The following ZCCHC14 variants were observed in gnomAD, a reference collection of about 807,000 sequenced individuals.
The protein encoded by ZCCHC14 is zinc finger CCHC-type containing 14, also known as zinc finger CCHC domain-containing protein 14.
Under a neutral mutation model 85.0 loss-of-function variants are expected in ZCCHC14, and 16 were observed. The ratio of observed to expected loss-of-function variants is 0.19; its 90% confidence interval spans 0.13 to 0.29. The LOEUF (loss-of-function observed/expected upper bound fraction) is 0.29, where lower values mean the gene tolerates loss of function less well. Ranked by LOEUF, ZCCHC14 falls within the 10% of genes least tolerant of loss-of-function variation. The pLI is 1.00. For missense variants in ZCCHC14, 1,303 were observed against 1,443.5 expected, an observed-to-expected ratio of 0.90 and a Z score of 1.58; for synonymous variants, 775 against 630.7, an observed-to-expected ratio of 1.23 and a Z score of -3.43.
At position 87,492,710 on chromosome 16, in the gene ZCCHC14, G is replaced by GGGGGGCGGC. The variant is rs1912829518; in HGVS notation, c.-473_-472insGCCGCCCCC. On this transcript the variant is annotated 5_prime_UTR_variant, in exon 1 of 13. Transcript: ENST00000671377. This position sits in a 1 kb window ranked among gnomAD's most constrained non-coding sequence, Gnocchi z 6.7. The stretch of plus-strand genomic sequence containing the variant: ...ACGGAGCCGCCCCGGCCATGCCGTC[G>GGGGGGCGGC]CCGCCGCCCGCGCCTCCGCCCAGGC... 6.8e-6 allele frequency: 1 copy of GGGGGGCGGC among 146,108 alleles called. No individual in the cohort carries two copies. The highest frequency in any genetic ancestry group is 2.5e-5 in the African/African-American group (1 of 40,720). 9.1% of individuals were successfully genotyped at this position (146,108 alleles called of 1,614,324 possible).
At chr16:87,466,826 T>C (rs1911542425) in intron 1 of ZCCHC14, among the ~76,000 whole-genome samples, 1 of 152,160 alleles carries the variant, frequency 6.6e-6, no homozygotes, top group Non-Finnish European at 1.5e-5. Context: ...AAAGTGAAGT[T>C]GTGATGGCTT....
intron 1 of ZCCHC14, among the ~76,000 whole-genome samples, chr16:87,475,552 TAAA>T (rs35771945): frequency 3.3e-5 from 3 of 91,460 alleles, no homozygotes; most frequent in Non-Finnish European, 6.3e-5. Flanking sequence ...GACTCTGTCT[TAAA>T]AAAAAAAAAA....
chr16:87,484,113 T>G (rs1912408553), intron 1 of ZCCHC14, among the ~76,000 whole-genome samples: 1 of 152,190 alleles, frequency 6.6e-6, no homozygotes, highest in Non-Finnish European at 1.5e-5. Flanking sequence ...CTCTGGAAGG[T>G]TCTACGAGGA....
At chr16:87,460,205 A>G (rs1911191610) in intron 1 of ZCCHC14, 74 bp from the exon 2 acceptor site, 1 of 1,541,002 alleles carries the variant, frequency 6.5e-7, no homozygotes, top group Non-Finnish European at 8.8e-7. Flanking sequence ...TTGTTAATTA[A>G]GTCTTTCATA....
intron 1 of ZCCHC14, among the ~76,000 whole-genome samples, chr16:87,463,307 A>G (rs1183918729): frequency 1.3e-5 from 2 of 151,534 alleles, no homozygotes; most frequent in African/African-American, 4.9e-5. Flanking sequence ...GCTTGAGCCC[A>G]GGAGTTTGAA....
intron 2 of ZCCHC14, among the ~76,000 whole-genome samples, chr16:87,447,292 A>C (rs142849316): frequency 1.3e-5 from 2 of 152,202 alleles, no homozygotes; most frequent in East Asian, 3.9e-4. Flanking sequence ...TGAAACGGCA[A>C]GGGGGTCAGG....
At position 87,451,912 on chromosome 16, in the gene ZCCHC14, C is replaced by A. The variant is rs142977083; in HGVS notation, c.694+8096G>T. Among the ~76,000 whole-genome samples the A allele has an allele frequency of 4.6e-5, 7 of 152,382 alleles. No individual in the cohort carries two copies. The East Asian group carries it at 1.2e-3, about 25-fold the overall frequency. ...AATGTGATACTTTCTAGCTCACGAG[C>A]CTGGGCAGTTATTTCACCCCTCAAA... On this transcript the variant is annotated intron_variant, in intron 2 of 12. Transcript: ENST00000671377.
At chr16:87,442,073 C>T (rs1910211422) in intron 2 of ZCCHC14, among the ~76,000 whole-genome samples, 1 of 152,202 alleles carries the variant, frequency 6.6e-6, no homozygotes, top group South Asian at 2.1e-4. Flanking sequence ...ACTGGAAGTA[C>T]AGAAGGATAG....
chr16:87,449,390 G>C (rs1377906611), intron 2 of ZCCHC14, among the ~76,000 whole-genome samples: 3 of 152,136 alleles, frequency 2.0e-5, no homozygotes, highest in Admixed American at 1.3e-4. Flanking sequence ...ACAGCACAGG[G>C]GGAAGGGCAC....
rs372878164 is a variant in ZCCHC14, at chr16:87,454,982, T to C, written c.694+5026A>G. Reference sequence around the variant, plus strand: ...GCCACCATCAGCCACCAATGCAACATCAGCGGGCTTTAAAAAATCCTGGAG... The same window carrying C: ...GCCACCATCAGCCACCAATGCAACACCAGCGGGCTTTAAAAAATCCTGGAG... On this transcript the variant is annotated intron_variant, in intron 2 of 12. Coordinates refer to ENST00000671377, the MANE Select transcript of ZCCHC14 (RefSeq NM_015144.3). Among the ~76,000 whole-genome samples the C allele has an allele frequency of 6.6e-5, 10 of 152,242 alleles. No homozygotes were observed. The East Asian group carries it at 1.9e-3, about 29-fold the overall frequency.
At chr16:87,418,939 AC>A in intron 6 of ZCCHC14, 38 bp from the exon 7 acceptor site, 1 of 1,533,150 alleles carries the variant, frequency 6.5e-7, no homozygotes, top group Non-Finnish European at 8.9e-7. Context: ...AAATTTACAG[AC>A]AATGAAAATA....
At chr16:87,485,964 G>A (rs2334188) in intron 1 of ZCCHC14, among the ~76,000 whole-genome samples, 1 of 152,110 alleles carries the variant, frequency 6.6e-6, no homozygotes, top group Non-Finnish European at 1.5e-5. Flanking sequence ...TGATACCATC[G>A]TATTACTCAT....
chr16:87,431,134 T>C (rs940745910), intron 3 of ZCCHC14, among the ~76,000 whole-genome samples: 3 of 140,544 alleles, frequency 2.1e-5, no homozygotes, highest in African/African-American at 5.4e-5. Context: ...CAAGACAGTG[T>C]CAAAAAAAAG....
Position 87,445,257 on chromosome 16 carries a change from G to A in ZCCHC14, c.695-12056C>T, listed in dbSNP as rs543691083. 2.1e-4 allele frequency among the ~76,000 whole-genome samples: 32 copies of A among 152,028 alleles called. No homozygotes were observed. The East Asian group carries it at 5.6e-3, about 27-fold the overall frequency. ...AATTTTTGTATTTTTAGTAGAAACGGGGTTTCACCATGTTGACCAGGATGG... is the reference window on the plus strand; with the variant it reads ...AATTTTTGTATTTTTAGTAGAAACGAGGTTTCACCATGTTGACCAGGATGG... On this transcript the variant is annotated intron_variant, in intron 2 of 12. Transcript: ENST00000671377.
In ZCCHC14 at chr16:87,411,768, G is replaced by A. The variant is rs559088004; in HGVS notation, c.2953C>T (p.Pro985Ser). ...CTGCTGTAAGGGGCGTGCACGACGGGGAAGGTGGAGCCGCCGCCGTACTGC... is the reference window on the plus strand; with the variant it reads ...CTGCTGTAAGGGGCGTGCACGACGGAGAAGGTGGAGCCGCCGCCGTACTGC... ...AQQYGGGSTF[P>S]VVHAPYSSSG... is the part of the protein sequence containing the mutation. The change falls in exon 12 of 13, where the codon CCC (proline) becomes TCC (serine). Residue 985 changes from proline (P) to serine (S), a missense_variant. By Grantham distance (74) the Pro-to-Ser change is moderately conservative (BLOSUM62 -1). Coordinates refer to ENST00000671377, the MANE Select transcript of ZCCHC14 (RefSeq NM_015144.3). 2.7e-5 allele frequency: 44 copies of A among 1,611,914 alleles called. No homozygotes were observed. In the East Asian group the frequency reaches 9.4e-4, roughly 34 times the overall value.
Position 87,477,924 on chromosome 16 carries a change from G to T in ZCCHC14, c.570+13745C>A, listed in dbSNP as rs1195294891. 3.4e-5 allele frequency among the ~76,000 whole-genome samples: 5 copies of T among 145,558 alleles called. 1 individual carries two copies. The highest frequency in any genetic ancestry group is 1.3e-4 in the African/African-American group (5 of 38,422). ...CCCCCTGAACCTGCTGCCCCTCACC[G>T]CACACACCTGGGGAACACACACGCC... On this transcript the variant is annotated intron_variant, in intron 1 of 12. Transcript: ENST00000671377.
At chr16:87,475,782 T>C (rs893689950) in intron 1 of ZCCHC14, among the ~76,000 whole-genome samples, 4 of 152,036 alleles carry the variant, frequency 2.6e-5, no homozygotes, top group Admixed American at 1.3e-4. Context: ...CAGTTTAACA[T>C]ACCTAGAGCT....
intron 10 of ZCCHC14, among the ~76,000 whole-genome samples, chr16:87,413,697 A>G (rs1326032177): frequency 6.6e-6 from 1 of 152,068 alleles, no homozygotes; most frequent in Non-Finnish European, 1.5e-5. Context: ...GGGAGGATGA[A>G]AACCAAATCG....
intron 2 of ZCCHC14, among the ~76,000 whole-genome samples, chr16:87,445,278 G>T (rs1309306294): frequency 6.6e-6 from 1 of 152,048 alleles, no homozygotes; most frequent in Non-Finnish European, 1.5e-5. Flanking sequence ...TGTTGACCAG[G>T]ATGGTCTCGA....
Sources: gnomAD v4.1 joint callset for allele counts (sites outside exome capture counted in the v4.1 genomes callset) on GRCh38, gnomAD v4.1.1 for gene constraint, Gnocchi (gnomAD v3.1) non-coding constraint, MANE v1.5 for transcripts, NCBI Gene and HGNC (gene_info 2026-07-23, HGNC 2026-07-21) for gene names.